NCOR2: variants seen among roughly 807,000 people sequenced by gnomAD.
NCOR2 encodes nuclear receptor corepressor 2.
A neutral mutation model predicts 262.9 loss-of-function variants in NCOR2; 81 were observed. The ratio of observed to expected loss-of-function variants is 0.31; its 90% CI spans 0.26 to 0.37. NCOR2 has a LOEUF of 0.37. Among genes scored for constraint, NCOR2 ranks in the 10% least tolerant of loss-of-function variants. The pLI is 1.00. For missense variants in NCOR2, 3,385 were observed against 3,621.4 expected, an observed-to-expected ratio of 0.93 and a Z score of 1.68; for synonymous variants, 1,659 against 1,559.3, an observed-to-expected ratio of 1.06 and a Z score of -1.51.
chr12:124,534,855 G>A (rs12322613), intron 1 of NCOR2, among the ~76,000 whole-genome samples: 1,945 of 152,308 alleles, frequency 0.013, 49 homozygotes, highest in African/African-American at 0.044. Flanking sequence ...TGCTGTGAGG[G>A]TCACAAAATG....
chr12:124,378,703 G>A lies in NCOR2; in HGVS notation c.2020-319C>T, dbSNP rs1277751891. Among the ~76,000 whole-genome samples, 3 of 152,294 alleles carry A rather than the reference G, an allele frequency of 2.0e-5. No homozygotes were observed. The East Asian group carries it at 5.8e-4, about 29-fold the overall frequency. On this transcript the variant is annotated intron_variant, in intron 17 of 46. Transcript: ENST00000405201. This position sits in a 1 kb window ranked among gnomAD's most constrained non-coding sequence, Gnocchi z 4.2. ...TCTCCTAGTCAGAGCGAGTGACCACGCCTCCTGGGGACACCCTGTCAGCTT... is the reference window on the plus strand; with the variant it reads ...TCTCCTAGTCAGAGCGAGTGACCACACCTCCTGGGGACACCCTGTCAGCTT...
rs1305623757 is a variant in NCOR2, at chr12:124,389,005, C to T, written c.1877-3118G>A. ...GGTGGCCCGGGGCTCCTCCAGCGGCCGCTGCCACCTCTGACGCCGTCCCCA... is the reference window on the plus strand; with the variant it reads ...GGTGGCCCGGGGCTCCTCCAGCGGCTGCTGCCACCTCTGACGCCGTCCCCA... On this transcript the variant is annotated intron_variant, in intron 16 of 46. Coordinates refer to ENST00000405201, the Ensembl canonical transcript of NCOR2. This position sits in a 1 kb window ranked among gnomAD's most constrained non-coding sequence, Gnocchi z 4.4. Among the ~76,000 whole-genome samples, 1 of 152,106 alleles carries T rather than the reference C, an allele frequency of 6.6e-6. No individual in the cohort carries two copies. The highest frequency in any genetic ancestry group is 1.5e-5 in the Non-Finnish European group (1 of 67,998).
intron 31 of NCOR2, among the ~76,000 whole-genome samples, chr12:124,346,348 A>G (rs2036928242): frequency 6.6e-6 from 1 of 152,148 alleles, no homozygotes. Context: ...GAATGGGAAC[A>G]ATGTGAGTTC....
At chr12:124,526,788 C>T (rs1461016953) in intron 1 of NCOR2, among the ~76,000 whole-genome samples, 1 of 152,130 alleles carries the variant, frequency 6.6e-6, no homozygotes, top group Non-Finnish European at 1.5e-5. Flanking sequence ...AGGTGGCCCC[C>T]GCTCCCCAAA....
intron 1 of NCOR2, chr12:124,513,751 C>T (rs1466538417): frequency 2.0e-5 from 3 of 152,240 alleles, no homozygotes; most frequent in African/African-American, 4.8e-5. Context: ...CTGAGGCTGT[C>T]ACCACCCCTC....
chr12:124,495,637 G>A (rs1156676107), upstream of NCOR2, among the ~76,000 whole-genome samples: 2 of 152,124 alleles, frequency 1.3e-5, no homozygotes, highest in African/African-American at 2.4e-5. This position sits in a 1 kb window ranked among gnomAD's most constrained non-coding sequence, Gnocchi z 4.4. Flanking sequence ...GCAGGCACAG[G>A]GACTCTGCGC....
At chr12:124,472,487 C>T (rs889259509) in intron 4 of NCOR2, among the ~76,000 whole-genome samples, 1 of 152,128 alleles carries the variant, frequency 6.6e-6, no homozygotes, top group Admixed American at 6.5e-5. Context: ...GAGCCAGGGG[C>T]TGTTTCCCCA....
intron 1 of NCOR2, among the ~76,000 whole-genome samples, chr12:124,522,178 A>G (rs1322632706): frequency 6.6e-6 from 1 of 152,166 alleles, no homozygotes; most frequent in Non-Finnish European, 1.5e-5. Flanking sequence ...CTGAGCCCCT[A>G]CTGTATGTGC....
intron 16 of NCOR2, among the ~76,000 whole-genome samples, chr12:124,390,389 T>G (rs1283876098): frequency 6.6e-6 from 1 of 152,112 alleles, no homozygotes; most frequent in East Asian, 1.9e-4. Flanking sequence ...CTCCACGGGT[T>G]TTCTCACAGA....
Position 124,327,308 on chromosome 12 carries a change from C to T in NCOR2, c.7183+101G>A, listed in dbSNP as rs937134548. On this transcript the variant is annotated intron_variant, in intron 45 of 46. Transcript: ENST00000405201. ...CGCACAAAAATAAAGTCACAAGCTCCAAAGCTCGAGGAGGGGGTTGTCAGA... is the reference window on the plus strand; with the variant it reads ...CGCACAAAAATAAAGTCACAAGCTCTAAAGCTCGAGGAGGGGGTTGTCAGA... The T allele has an allele frequency of 9.1e-6, 9 of 986,636 alleles. No homozygotes were observed. In the East Asian group the frequency reaches 1.3e-4, roughly 14 times the overall value. The allele number at this position is 986,636 out of a possible 1,614,324, so 61.1% of individuals were successfully genotyped here. A position where few individuals can be genotyped will look rare whatever the true frequency, so the allele number is the denominator to read the frequency against.
intron 27 of NCOR2, 102 bp downstream of exon 29, chr12:124,353,991 C>T: frequency 9.5e-7 from 1 of 1,051,822 alleles, no homozygotes; most frequent in Non-Finnish European, 1.4e-6. Context: ...GTCATCACCC[C>T]ATCGGCTGAG....
chr12:124,562,580 T>C (rs1283693496), intron 1 of NCOR2, among the ~76,000 whole-genome samples: 2 of 152,076 alleles, frequency 1.3e-5, no homozygotes, highest in Admixed American at 1.3e-4. Context: ...GCACTCCAAG[T>C]GCCTGACAGA....
intron 16 of NCOR2, among the ~76,000 whole-genome samples, chr12:124,391,510 G>A (rs532139138): frequency 3.3e-5 from 5 of 152,130 alleles, no homozygotes; most frequent in Admixed American, 1.3e-4. Context: ...GGCGGGGGGG[G>A]GGTTCCACAG....
intron 1 of NCOR2, chr12:124,562,417 C>G (rs2052102362): frequency 1.3e-5 from 2 of 152,240 alleles, no homozygotes; most frequent in Non-Finnish European, 2.9e-5. Flanking sequence ...AGGCTTCACT[C>G]AAGTTCTTAA....
At chr12:124,441,965 A>G (rs919574189) in intron 7 of NCOR2, among the ~76,000 whole-genome samples, 3 of 152,252 alleles carry the variant, frequency 2.0e-5, no homozygotes, top group Non-Finnish European at 4.4e-5. Flanking sequence ...AAGGCTGAGA[A>G]GCCGTCACGG....
At chr12:124,422,607 C>T (rs1406460736) in intron 11 of NCOR2, 52 bp from the exon 14 acceptor site, 7 of 1,603,408 alleles carry the variant, frequency 4.4e-6, no homozygotes, top group Non-Finnish European at 6.0e-6. Context: ...GGCTTTCCTG[C>T]GGGGCAGCCG....
At chr12:124,431,774 TCACATGGC>T (rs970797523) in intron 8 of NCOR2, among the ~76,000 whole-genome samples, 41 of 145,962 alleles carry the variant, frequency 2.8e-4, no homozygotes, top group African/African-American at 1.0e-3. Context: ...AGTCACACAG[TCACATGGC>T]AGACACACAG....
intron 13 of NCOR2, among the ~76,000 whole-genome samples, chr12:124,414,896 G>A (rs1593433614): frequency 6.6e-6 from 1 of 152,224 alleles, no homozygotes; most frequent in African/African-American, 2.4e-5. Flanking sequence ...AGCTGTGAGG[G>A]GAGTGGGGCT....
Position 124,362,163 on chromosome 12 carries a change from GC to G in NCOR2, c.3062del (p.Gly1021AlafsTer42). 1 of 1,307,214 alleles carries G rather than the reference GC, an allele frequency of 7.6e-7. No individual in the cohort carries two copies. 81.0% of individuals were successfully genotyped at this position (1,307,214 alleles called of 1,614,324 possible). On this transcript the variant is annotated frameshift_variant, in exon 22 of 47. Coordinates refer to ENST00000405201, the Ensembl canonical transcript of NCOR2. LOFTEE classifies it high-confidence loss of function. Reference sequence around the variant, plus strand: ...CGGGGGGTGCCGGGCTCCTGCTCTTGCCCCGGGGGCTGCTGCCAGGCTGCTG... The same window carrying G: ...CGGGGGGTGCCGGGCTCCTGCTCTTGCCCGGGGGCTGCTGCCAGGCTGCTG...
Sources: gnomAD v4.1 joint callset for allele counts (sites outside exome capture counted in the v4.1 genomes callset) on GRCh38, gnomAD v4.1.1 for gene constraint, Gnocchi (gnomAD v3.1) non-coding constraint, MANE v1.5 for transcripts, NCBI Gene and HGNC (gene_info 2026-07-23, HGNC 2026-07-21) for gene names.